The following NRCAM variants were observed in gnomAD, a reference collection of about 807,000 sequenced individuals.
NRCAM encodes neuronal cell adhesion molecule.
In NRCAM, 83 loss-of-function variants were observed where a neutral mutation model predicts 156.5. The ratio of observed to expected loss-of-function variants is 0.53; its 90% confidence interval spans 0.44 to 0.64. NRCAM has a LOEUF of 0.64. Among genes scored for constraint, NRCAM ranks in the 30% least tolerant of loss-of-function variants. NRCAM has a pLI of 0.00. For synonymous variants in NRCAM, 538 were observed against 563.9 expected (o/e 0.95, Z 0.65); for missense variants, 1,417 against 1,597.3 (o/e 0.89, Z 1.92).
intron 30 of NRCAM, among the ~76,000 whole-genome samples, chr7:108,166,243 CTTTTCT>C (rs1389991369): frequency 1.2e-3 from 163 of 141,024 alleles, no homozygotes; most frequent in Non-Finnish European, 1.5e-3. Context: ...GACTTTCTTT[CTTTTCT>C]TTTTTTTTTT....
chr7:108,321,269 C>T (rs1169385147), intron 2 of NRCAM, among the ~76,000 whole-genome samples: 5 of 152,128 alleles, frequency 3.3e-5, no homozygotes, highest in Non-Finnish European at 5.9e-5. Context: ...AGTTCATTTC[C>T]GTTGCTTTAA....
chr7:108,293,589 G>A (rs1406663823), intron 3 of NRCAM, among the ~76,000 whole-genome samples: 1 of 152,104 alleles, frequency 6.6e-6, no homozygotes, highest in Non-Finnish European at 1.5e-5. Flanking sequence ...GAAATCTTTT[G>A]TAGATTATTT....
chr7:108,387,280 T>C (rs769327461), intron 2 of NRCAM, among the ~76,000 whole-genome samples: 1 of 152,150 alleles, frequency 6.6e-6, no homozygotes, highest in African/African-American at 2.4e-5. Flanking sequence ...AAGTATGGAA[T>C]TATTTAAAAT....
intron 11 of NRCAM, among the ~76,000 whole-genome samples, chr7:108,220,158 C>T (rs1318201612): frequency 2.0e-5 from 3 of 151,220 alleles, no homozygotes; most frequent in Non-Finnish European, 4.4e-5. Flanking sequence ...AGGCAAAAGA[C>T]CTCTACAAGG....
At chr7:108,402,607 T>C (rs2099795968) in intron 1 of NRCAM, among the ~76,000 whole-genome samples, 1 of 152,180 alleles carries the variant, frequency 6.6e-6, no homozygotes, top group African/African-American at 2.4e-5. Flanking sequence ...TTTTAGGAAA[T>C]TCTATATGAA....
At chr7:108,198,457 T>C (rs895655969) in intron 13 of NRCAM, among the ~76,000 whole-genome samples, 1 of 152,160 alleles carries the variant, frequency 6.6e-6, no homozygotes, top group Non-Finnish European at 1.5e-5. Flanking sequence ...TTGTTACATA[T>C]GTATACATGT....
chr7:108,348,674 G>A (rs2099387751), intron 2 of NRCAM, among the ~76,000 whole-genome samples: 1 of 152,128 alleles, frequency 6.6e-6, no homozygotes, highest in Admixed American at 6.5e-5. Context: ...AACACTCTGG[G>A]AGGCCGAGGC....
intron 3 of NRCAM, among the ~76,000 whole-genome samples, chr7:108,259,291 A>G (rs2096799522): frequency 6.6e-6 from 1 of 152,246 alleles, no homozygotes; most frequent in Non-Finnish European, 1.5e-5. Context: ...TGCTAAATGA[A>G]CTGTTGAATA....
At chr7:108,352,160 T>A (rs17155522) in intron 2 of NRCAM, among the ~76,000 whole-genome samples, 30,016 of 152,186 alleles carry the variant, frequency 0.2, 3,531 homozygotes, top group East Asian at 0.45. Flanking sequence ...ACACAGCTCA[T>A]CAAAAGCTTA....
At chr7:108,353,758 A>T (rs1472944239) in intron 2 of NRCAM, among the ~76,000 whole-genome samples, 1 of 152,260 alleles carries the variant, frequency 6.6e-6, no homozygotes, top group Non-Finnish European at 1.5e-5. Flanking sequence ...TATTTGTTGA[A>T]AGAATAAATG....
At chr7:108,234,513 C>A in intron 6 of NRCAM, 70 bp downstream of exon 6, 1 of 984,300 alleles carries the variant, frequency 1.0e-6, no homozygotes, top group Non-Finnish European at 1.6e-6. Flanking sequence ...AATTCCCAAA[C>A]ATATTTCTCT....
intron 3 of NRCAM, among the ~76,000 whole-genome samples, chr7:108,306,929 G>A (rs2098723501): frequency 6.6e-6 from 1 of 152,062 alleles, no homozygotes; most frequent in South Asian, 2.1e-4. Context: ...CAAAACTTTT[G>A]AAAAGAATAA....
At position 108,232,509 on chromosome 7, in the gene NRCAM, G is replaced by T; in HGVS notation, c.244C>A (p.Arg82Ser). 1 of 1,609,730 alleles carries T rather than the reference G, an allele frequency of 6.2e-7. No individual in the cohort carries two copies. The highest frequency in any genetic ancestry group is 1.1e-5 in the South Asian group (1 of 90,226). ...TCGATGTCAAAATGAGTCCCATTAC[G>T]GGTCCAGGAAAAGCTGCCCAACACA... ...GKPPPSFSWT[R>S]NGTHFDIDKD... is the part of the protein sequence containing the mutation. Residue 82 changes from arginine (R) to serine (S), a missense_variant, in exon 7 of 33, where the codon CGT (arginine) becomes AGT (serine). By Grantham distance (110) the Arg-to-Ser change is moderately radical. Around this residue, in one of 2 missense-constraint regions of NRCAM, gnomAD observed 1,238 missense variants for 1,336.4 expected, o/e 0.93. Coordinates refer to ENST00000379028, the MANE Select transcript of NRCAM (RefSeq NM_001037132.4).
Position 108,180,436 on chromosome 7 carries a change from G to A in NRCAM, c.2647-9C>T. ...GTCTTCCAATAGTAAATCTGAAACA[G>A]CAAGAACGAAAGTCAGGAATGCAGA... On this transcript the variant is annotated splice_polypyrimidine_tract_variant and intron_variant, in intron 24 of 32. Coordinates refer to ENST00000379028, the MANE Select transcript of NRCAM (RefSeq NM_001037132.4). 1.9e-6 allele frequency: 3 copies of A among 1,609,834 alleles called. No individual in the cohort carries two copies. The South Asian group carries it at 3.3e-5, about 18-fold the overall frequency.
At chr7:108,201,176 TAAA>T (rs71522858) in intron 13 of NRCAM, among the ~76,000 whole-genome samples, 10 of 130,598 alleles carry the variant, frequency 7.7e-5, no homozygotes, top group Admixed American at 2.3e-4. Flanking sequence ...TTAAGGTCGG[TAAA>T]AAAAAAAAAA....
intron 3 of NRCAM, among the ~76,000 whole-genome samples, chr7:108,274,790 C>T (rs551054981): frequency 5.9e-5 from 9 of 152,214 alleles, no homozygotes; most frequent in South Asian, 2.1e-4. Context: ...ATAGGAGTGG[C>T]GACAGACGGC....
At chr7:108,350,490 T>A (rs1338604410) in intron 2 of NRCAM, among the ~76,000 whole-genome samples, 1 of 152,224 alleles carries the variant, frequency 6.6e-6, no homozygotes, top group East Asian at 1.9e-4. Flanking sequence ...TATATAAATA[T>A]CCCAGCTGCC....
At chr7:108,348,728 A>G (rs892815160) in intron 2 of NRCAM, among the ~76,000 whole-genome samples, 23 of 140,596 alleles carry the variant, frequency 1.6e-4, no homozygotes, top group South Asian at 4.7e-4. Flanking sequence ...AGCCTGGCCA[A>G]TATGGTGAAA....
At chr7:108,196,874 T>A (rs1015395234) in intron 14 of NRCAM, among the ~76,000 whole-genome samples, 2 of 152,300 alleles carry the variant, frequency 1.3e-5, no homozygotes, top group Middle Eastern at 3.4e-3. Flanking sequence ...GAAATCAGTA[T>A]GTCGAGATAT....
Sources: allele counts gnomAD v4.1 joint callset (sites outside exome capture counted in the v4.1 genomes callset), GRCh38; gene constraint gnomAD v4.1.1; regional missense constraint gnomAD v4.1.1; transcripts MANE v1.5; gene names NCBI Gene and HGNC (gene_info 2026-07-23, HGNC 2026-07-21).